Variants in TMEM268 observed in about 807,000 individuals in gnomAD.
The protein encoded by TMEM268 is transmembrane protein 268.
In TMEM268, 24 loss-of-function variants were observed where a neutral mutation model predicts 39.1. The ratio of observed to expected loss-of-function variants is 0.61; its 90% CI spans 0.44 to 0.86. The LOEUF is 0.86. Ranked by LOEUF, TMEM268 falls within the 40% of genes least tolerant of loss-of-function variation. The probability of loss-of-function intolerance (pLI) is 0.00; values close to 1 mark genes in which losing one functional copy is unlikely to be tolerated. For missense variants in TMEM268, 409 were observed against 428.6 expected (o/e 0.95, Z 0.40); for synonymous variants, 176 against 173.5 (o/e 1.01, Z -0.12).
upstream of TMEM268, among the ~76,000 whole-genome samples, chr9:114,608,389 T>A (rs967872412): frequency 6.6e-6 from 1 of 152,214 alleles, no homozygotes; most frequent in Non-Finnish European, 1.5e-5. Flanking sequence ...TGGTAGAGCC[T>A]GGTGGGCCAG....
At chr9:114,620,449 A>G (rs1285104303) in intron 2 of TMEM268, among the ~76,000 whole-genome samples, 1 of 151,950 alleles carries the variant, frequency 6.6e-6, no homozygotes, top group African/African-American at 2.4e-5. Context: ...GTTTTTCACC[A>G]TGTTGCCCGG....
intron 1 of TMEM268, 114 bp from the exon 2 acceptor site, chr9:114,617,004 G>T (rs1287095209): frequency 1.2e-5 from 6 of 485,390 alleles, no homozygotes; most frequent in Non-Finnish European, 2.2e-5. Context: ...TTGGCAAAAA[G>T]AGTCCGGGTA....
At chr9:114,620,316 C>G (rs369544154) in intron 2 of TMEM268, among the ~76,000 whole-genome samples, 7 of 152,286 alleles carry the variant, frequency 4.6e-5, no homozygotes, top group African/African-American at 1.7e-4. Context: ...GTGATTTTGG[C>G]TCACTGCAGC....
chr9:114,622,858 A>C (rs1845999048), intron 2 of TMEM268, among the ~76,000 whole-genome samples: 1 of 152,094 alleles, frequency 6.6e-6, no homozygotes, highest in Non-Finnish European at 1.5e-5. Flanking sequence ...TGGGAGGCCG[A>C]GGCGGGCAGA....
chr9:114,606,890 T>C (rs965228763), upstream of TMEM268, among the ~76,000 whole-genome samples: 3 of 151,362 alleles, frequency 2.0e-5, no homozygotes, highest in African/African-American at 4.8e-5. Flanking sequence ...AACACCAAGA[T>C]GTAAGTTTTG....
intron 2 of TMEM268, among the ~76,000 whole-genome samples, chr9:114,621,592 G>A (rs1423612633): frequency 1.3e-5 from 2 of 152,160 alleles, no homozygotes; most frequent in African/African-American, 2.4e-5. Context: ...CGTCAGTTAT[G>A]GTAGGTTTAG....
At chr9:114,622,137 A>G (rs751789970) in intron 2 of TMEM268, 84 of 985,134 alleles carry the variant, frequency 8.5e-5, no homozygotes, top group Non-Finnish European at 9.9e-5. Context: ...GAGCAGGGAG[A>G]GAGAGGGTTT....
chr9:114,634,184 C>T (rs550795384), intron 6 of TMEM268, among the ~76,000 whole-genome samples: 15 of 152,156 alleles, frequency 9.9e-5, no homozygotes, highest in African/African-American at 1.4e-4. Flanking sequence ...GCTGTGCCCT[C>T]GGTTGGACAC....
At position 114,646,274 on chromosome 9, in the gene TMEM268, T is replaced by C. The variant is rs1426868911; in HGVS notation, c.*2961T>C. 6.6e-6 allele frequency: 1 copy of C among 152,202 alleles called. No homozygotes were observed. Among genetic ancestry groups the C allele is most frequent in the Non-Finnish European group, 1.5e-5 (1 of 68,042 alleles). 9.4% of individuals were successfully genotyped at this position (152,202 alleles called of 1,614,324 possible). ...CTTAAAAACAATGTTCTTCCTCTCA[T>C]TGAGTCTCATTCCTCATCTATAGGA... On this transcript the variant is annotated 3_prime_UTR_variant, in exon 9 of 9. Coordinates refer to ENST00000288502, the MANE Select transcript of TMEM268 (RefSeq NM_153045.4).
the TMEM268 span, among the ~76,000 whole-genome samples, chr9:114,605,220 G>A: frequency 6.6e-6 from 1 of 152,170 alleles, no homozygotes; most frequent in Non-Finnish European, 1.5e-5. Flanking sequence ...CTCCCCTTGA[G>A]GGTCATTCTG....
At chr9:114,610,501 G>T (rs1020860746), upstream of TMEM268, among the ~76,000 whole-genome samples, 12 of 152,338 alleles carry the variant, frequency 7.9e-5, no homozygotes, top group Middle Eastern at 3.4e-3. Context: ...GTGCCCAACA[G>T]AATAGAAAAG....
chr9:114,627,983 G>A (rs1319771112), intron 4 of TMEM268, 118 bp from the exon 5 acceptor site: 11 of 1,077,688 alleles, frequency 1.0e-5, no homozygotes, highest in South Asian at 1.4e-5. Flanking sequence ...TACTGGTGCT[G>A]TGAGCTGTCT....
upstream of TMEM268, among the ~76,000 whole-genome samples, chr9:114,607,193 C>G (rs1017252585): frequency 6.6e-5 from 10 of 152,184 alleles, no homozygotes; most frequent in African/African-American, 1.9e-4. Context: ...TTTATTCATT[C>G]ACTACTTCAT....
intron 2 of TMEM268, among the ~76,000 whole-genome samples, chr9:114,619,279 G>A (rs1000833800): frequency 2.2e-5 from 3 of 134,338 alleles, no homozygotes; most frequent in African/African-American, 2.9e-5. Context: ...CCCTCTGCGC[G>A]TGCGTGCACG....
At chr9:114,641,721 C>T (rs1174596068) in intron 8 of TMEM268, among the ~76,000 whole-genome samples, 1 of 152,196 alleles carries the variant, frequency 6.6e-6, no homozygotes, top group Non-Finnish European at 1.5e-5. Context: ...ACTGCAACCT[C>T]TGCCTCCGGG....
In TMEM268 at chr9:114,637,018, A is replaced by G. The variant is rs1192649872; in HGVS notation, c.614A>G (p.Asn205Ser). Residue 205 changes from asparagine to serine, a missense_variant, in exon 7 of 9, where the codon AAC (asparagine) becomes AGC (serine). Asn to Ser is a conservative substitution (Grantham distance 46). Coordinates refer to ENST00000288502, the MANE Select transcript of TMEM268 (RefSeq NM_153045.4). ...QLWFVYFDLENCVQFLSDHVQ... is the reference protein window; with the variant it reads ...QLWFVYFDLESCVQFLSDHVQ... ...TGGTTTGTCTACTTCGACCTGGAGA[A>G]CTGTGTGCAGTTTTTGTCTGATCAT... is the stretch of plus-strand genomic sequence containing the variant. 6.2e-7 allele frequency: 1 copy of G among 1,613,400 alleles called. No individual in the cohort carries two copies. The highest frequency in any genetic ancestry group is 1.3e-5 in the African/African-American group (1 of 74,912).
intron 1 of TMEM268, among the ~76,000 whole-genome samples, chr9:114,614,131 A>C (rs1845611119): frequency 1.3e-5 from 2 of 152,252 alleles, no homozygotes; most frequent in Non-Finnish European, 2.9e-5. Flanking sequence ...GTACCTTGAC[A>C]GCTAATGTCA....
intron 5 of TMEM268, 135 bp from the exon 6 acceptor site, chr9:114,633,633 G>A (rs1846500287): frequency 4.3e-6 from 2 of 466,440 alleles, no homozygotes; most frequent in South Asian, 8.3e-5. Context: ...TAATAGGGGA[G>A]GAAATGGGAC....
chr9:114,626,835 G>T, intron 3 of TMEM268, 64 bp from the exon 4 acceptor site: 1 of 1,236,740 alleles, frequency 8.1e-7, no homozygotes. Context: ...CCACATGATA[G>T]TCACATGCAC....
Sources: allele counts gnomAD v4.1 joint callset (sites outside exome capture counted in the v4.1 genomes callset), GRCh38; gene constraint gnomAD v4.1.1; transcripts MANE v1.5; gene names NCBI Gene and HGNC (gene_info 2026-07-23, HGNC 2026-07-21).